The following RBPMS variants were observed in gnomAD, a reference collection of about 807,000 sequenced individuals.
RBPMS encodes RNA binding protein, mRNA processing factor.
A neutral mutation model predicts 26.8 loss-of-function variants in RBPMS; 7 were observed. The ratio of observed to expected loss-of-function variants is 0.26; its 90% CI spans 0.15 to 0.49. The LOEUF (loss-of-function observed/expected upper bound fraction) is 0.49. RBPMS is among the 20% of genes least tolerant of loss of function. RBPMS has a pLI of 0.98. For missense variants in RBPMS, 186 were observed against 250.0 expected (o/e 0.74, Z 1.73); for synonymous variants, 96 against 93.3 (o/e 1.03, Z -0.17).
chr8:30,550,437 C>G (rs1161269825), intron 6 of RBPMS, among the ~76,000 whole-genome samples: 2 of 152,190 alleles, frequency 1.3e-5, no homozygotes, highest in African/African-American at 4.8e-5. Context: ...AAAGGTAGCC[C>G]TTCCCAAGGA....
chr8:30,417,435 T>C (rs781229283), intron 1 of RBPMS, among the ~76,000 whole-genome samples: 29 of 151,912 alleles, frequency 1.9e-4, no homozygotes, highest in Non-Finnish European at 1.9e-4. Flanking sequence ...TATAGAAACT[T>C]CTAGAAAGTT....
chr8:30,533,115 C>T (rs1251738466), intron 5 of RBPMS, among the ~76,000 whole-genome samples: 2 of 152,188 alleles, frequency 1.3e-5, no homozygotes, highest in African/African-American at 4.8e-5. Flanking sequence ...CTGGTCATAA[C>T]TTCATTTAAG....
intron 1 of RBPMS, among the ~76,000 whole-genome samples, chr8:30,438,040 T>C (rs533598471): frequency 6.6e-6 from 1 of 152,358 alleles, no homozygotes; most frequent in African/African-American, 2.4e-5. Context: ...AGCACAATTA[T>C]AGCTATTTAT....
At chr8:30,480,575 T>G (rs912367987) in intron 4 of RBPMS, among the ~76,000 whole-genome samples, 1 of 152,208 alleles carries the variant, frequency 6.6e-6, no homozygotes, top group African/African-American at 2.4e-5. Flanking sequence ...GTCCAGACTT[T>G]TTCTGGATTT....
chr8:30,499,498 C>T (rs887261564), intron 4 of RBPMS, among the ~76,000 whole-genome samples: 3 of 152,004 alleles, frequency 2.0e-5, no homozygotes, highest in Non-Finnish European at 2.9e-5. Context: ...TAATATCACT[C>T]GTAATGGGAC....
intron 4 of RBPMS, among the ~76,000 whole-genome samples, chr8:30,498,827 GGA>G (rs1348793074): frequency 1.3e-5 from 2 of 151,904 alleles, no homozygotes; most frequent in African/African-American, 4.8e-5. Context: ...GATTGGAATT[GGA>G]GCTATCAGTA....
intron 5 of RBPMS, among the ~76,000 whole-genome samples, chr8:30,532,788 A>G (rs963812430): frequency 6.6e-6 from 1 of 152,218 alleles, no homozygotes; most frequent in Non-Finnish European, 1.5e-5. Flanking sequence ...CAGATGACAT[A>G]CCACATCTTC....
At chr8:30,468,051 G>A (rs1472117053) in intron 1 of RBPMS, among the ~76,000 whole-genome samples, 1 of 151,836 alleles carries the variant, frequency 6.6e-6, no homozygotes, top group Non-Finnish European at 1.5e-5. Flanking sequence ...TGGGAATATG[G>A]GCAGTTCCTG....
At chr8:30,527,745 C>G (rs1823744067) in intron 5 of RBPMS, among the ~76,000 whole-genome samples, 1 of 152,132 alleles carries the variant, frequency 6.6e-6, no homozygotes, top group South Asian at 2.1e-4. Context: ...AGAGGAGTGT[C>G]TGTGAGAAAA....
At chr8:30,510,454 G>A (rs1047472896) in intron 5 of RBPMS, among the ~76,000 whole-genome samples, 2 of 151,316 alleles carry the variant, frequency 1.3e-5, no homozygotes, top group Non-Finnish European at 2.9e-5. Flanking sequence ...ATTTTAAGGC[G>A]TGCTTGGCTC....
At chr8:30,470,906 C>T (rs181307178) in intron 1 of RBPMS, among the ~76,000 whole-genome samples, 7 of 152,174 alleles carry the variant, frequency 4.6e-5, no homozygotes, top group South Asian at 2.1e-4. Context: ...AGAATCTCTT[C>T]GCTTTCCATT....
At chr8:30,428,079 AGTGATGC>A (rs1020026217) in intron 1 of RBPMS, among the ~76,000 whole-genome samples, 6 of 138,670 alleles carry the variant, frequency 4.3e-5, no homozygotes, top group Non-Finnish European at 6.0e-5. Flanking sequence ...GCTGGAATGC[AGTGATGC>A]GATCTTGGCT....
At position 30,544,811 on chromosome 8, in the gene RBPMS, A is replaced by G. The variant is rs763450846; in HGVS notation, c.528+187A>G. 2.1e-5 allele frequency: 33 copies of G among 1,554,980 alleles called. No individual in the cohort carries two copies. In the Admixed American group the frequency reaches 2.7e-4, roughly 13 times the overall value. On this transcript the variant is annotated intron_variant, in intron 6 of 8. Coordinates refer to ENST00000397323, the MANE Select transcript of RBPMS (RefSeq NM_001008710.3). Reference sequence around the variant, plus strand: ...TGACGAGGATCGTCTGACAGCAATGATATCACCCACTGCCTGATGTTTGCC... The same window carrying G: ...TGACGAGGATCGTCTGACAGCAATGGTATCACCCACTGCCTGATGTTTGCC...
At chr8:30,437,001 C>T (rs2150690527) in intron 1 of RBPMS, among the ~76,000 whole-genome samples, 1 of 150,372 alleles carries the variant, frequency 6.7e-6, no homozygotes, top group African/African-American at 2.5e-5. Context: ...CGGCTCACTG[C>T]AAGCTCTGCC....
intron 1 of RBPMS, chr8:30,447,045 G>A (rs1312687914): frequency 1.3e-5 from 2 of 152,026 alleles, no homozygotes; most frequent in Non-Finnish European, 2.9e-5. Context: ...TTTTGATTTT[G>A]TTGCATACCA....
At chr8:30,434,614 C>T (rs1286362490) in intron 1 of RBPMS, among the ~76,000 whole-genome samples, 1 of 150,638 alleles carries the variant, frequency 6.6e-6, no homozygotes, top group Non-Finnish European at 1.5e-5. Flanking sequence ...TGAGGCAGGA[C>T]AGTCACTTGA....
At chr8:30,449,327 GC>G (rs1814257516) in intron 1 of RBPMS, among the ~76,000 whole-genome samples, 2 of 148,622 alleles carry the variant, frequency 1.3e-5, no homozygotes, top group Admixed American at 1.3e-4. Flanking sequence ...CCTGTTTCTT[GC>G]CCCCACCCAG....
intron 4 of RBPMS, among the ~76,000 whole-genome samples, chr8:30,484,555 A>T (rs1412516074): frequency 1.3e-5 from 2 of 152,224 alleles, no homozygotes; most frequent in Non-Finnish European, 2.9e-5. Context: ...GCTGCCACTC[A>T]GACTTCCATT....
At chr8:30,411,329 C>T (rs528508990) in intron 1 of RBPMS, among the ~76,000 whole-genome samples, 6 of 151,868 alleles carry the variant, frequency 4.0e-5, no homozygotes, top group Non-Finnish European at 8.8e-5. Flanking sequence ...AGACAGAGGA[C>T]GGAGGGTGGT....
Sources: gnomAD v4.1 joint callset for allele counts (sites outside exome capture counted in the v4.1 genomes callset) on GRCh38, gnomAD v4.1.1 for gene constraint, MANE v1.5 for transcripts, NCBI Gene and HGNC (gene_info 2026-07-23, HGNC 2026-07-21) for gene names.